The following CCM2 variants were observed in gnomAD, a reference collection of about 807,000 sequenced individuals.
The protein encoded by CCM2 is CCM2 scaffold protein, also known as cerebral cavernous malformations 2 protein.
CCM2 carries 25 observed loss-of-function variants against 44.9 expected under a neutral mutation model. The observed-to-expected ratio is 0.56, with a 90% CI of 0.41 to 0.78. CCM2 has a LOEUF of 0.78. Among genes scored for constraint, CCM2 ranks in the 30% least tolerant of loss-of-function variants. The pLI is 0.00. For missense variants in CCM2, 481 were observed against 580.6 expected, an observed-to-expected ratio of 0.83 and a Z score of 1.76; for synonymous variants, 219 against 241.1, an observed-to-expected ratio of 0.91 and a Z score of 0.85.
At chr7:45,047,957 TGA>T (rs1638761350) in intron 2 of CCM2, among the ~76,000 whole-genome samples, 1 of 152,168 alleles carries the variant, frequency 6.6e-6, no homozygotes, top group Non-Finnish European at 1.5e-5. Context: ...GGCATGTCAG[TGA>T]GAGAATGTAG....
chr7:45,004,886 C>G (rs987009776), intron 1 of CCM2, among the ~76,000 whole-genome samples: 2 of 151,546 alleles, frequency 1.3e-5, no homozygotes. Context: ...ATCCTAGCTA[C>G]TTGTGAGGCT....
intron 1 of CCM2, among the ~76,000 whole-genome samples, chr7:45,016,891 C>T (rs1374034000): frequency 6.6e-6 from 1 of 152,196 alleles, no homozygotes; most frequent in Non-Finnish European, 1.5e-5. Flanking sequence ...TCTCGGCCTT[C>T]CAAAGTGCTA....
At chr7:45,062,143 A>G (rs535565987) in intron 2 of CCM2, among the ~76,000 whole-genome samples, 1 of 152,308 alleles carries the variant, frequency 6.6e-6, no homozygotes, top group Non-Finnish European at 1.5e-5. Flanking sequence ...TAAGTTTGCC[A>G]GCTTTCTTGT....
intron 1 of CCM2, among the ~76,000 whole-genome samples, chr7:45,011,219 G>A (rs1413035702): frequency 6.7e-6 from 1 of 149,862 alleles, no homozygotes; most frequent in East Asian, 1.9e-4. Context: ...TTTTTGAGAC[G>A]GAGTCTCACT....
At chr7:45,031,974 A>G (rs989753471) in intron 1 of CCM2, among the ~76,000 whole-genome samples, 15 of 152,074 alleles carry the variant, frequency 9.9e-5, no homozygotes, top group Admixed American at 2.0e-4. Flanking sequence ...CTTCCCCAGC[A>G]CCGGCTGTCC....
intron 2 of CCM2, among the ~76,000 whole-genome samples, chr7:45,054,466 G>A (rs1357211787): frequency 6.7e-6 from 1 of 150,184 alleles, no homozygotes; most frequent in African/African-American, 2.5e-5. Flanking sequence ...GTTATGGGGA[G>A]ACTGATTTAG....
upstream of CCM2, chr7:44,999,966 C>T (rs986778200): frequency 1.1e-5 from 3 of 268,070 alleles, no homozygotes; most frequent in South Asian, 2.8e-5. Context: ...CGTTCTCGGC[C>T]GTCCTGAAGG....
intron 1 of CCM2, among the ~76,000 whole-genome samples, chr7:45,025,000 T>A (rs1198053673): frequency 1.3e-5 from 2 of 152,232 alleles, no homozygotes; most frequent in African/African-American, 4.8e-5. Context: ...TTAGACTCGA[T>A]GGACCCAGCT....
At chr7:45,019,215 G>A (rs1796386117) in intron 1 of CCM2, among the ~76,000 whole-genome samples, 1 of 152,032 alleles carries the variant, frequency 6.6e-6, no homozygotes, top group Admixed American at 6.6e-5. Context: ...GGGACTACAG[G>A]CATGCACCAC....
chr7:45,033,568 T>A lies in CCM2; in HGVS notation c.31-4685T>A, dbSNP rs561199647. On this transcript the variant is annotated intron_variant, in intron 1 of 9. Transcript: ENST00000258781. ...AGTCACTGTCCATGACACAGCTAGT[T>A]ATCATTTAGGAGGAATGAGCTTTGG... Among the ~76,000 whole-genome samples the A allele has an allele frequency of 6.6e-5, 10 of 152,304 alleles. No individual in the cohort carries two copies. In the East Asian group the frequency reaches 1.9e-3, roughly 29 times the overall value.
At chr7:45,058,412 G>A (rs1798364420) in intron 2 of CCM2, among the ~76,000 whole-genome samples, 1 of 151,762 alleles carries the variant, frequency 6.6e-6, no homozygotes, top group Non-Finnish European at 1.5e-5. Flanking sequence ...TTGGTGTGCT[G>A]CACCCATTAA....
At chr7:45,001,204 C>A (rs1411684847) in intron 1 of CCM2, among the ~76,000 whole-genome samples, 1 of 152,128 alleles carries the variant, frequency 6.6e-6, no homozygotes, top group African/African-American at 2.4e-5. Flanking sequence ...AGCTACTCAC[C>A]ACCTTGTTTG....
chr7:45,028,119 A>G (rs1211407690), intron 1 of CCM2, among the ~76,000 whole-genome samples: 1 of 152,226 alleles, frequency 6.6e-6, no homozygotes, highest in Non-Finnish European at 1.5e-5. Flanking sequence ...TAATTTTCCT[A>G]TGGATTTGTG....
At position 45,076,329 on chromosome 7, in the gene CCM2, G is replaced by A. The variant is rs773810762; in HGVS notation, c.*272G>A. The A allele has an allele frequency of 1.4e-5, 9 of 636,478 alleles. No individual in the cohort carries two copies. The highest frequency in any genetic ancestry group is 3.2e-5 in the East Asian group (1 of 31,682). The allele number at this position is 636,478 out of a possible 1,614,324, so 39.4% of individuals were successfully genotyped here. ...GTCCCCGCTCGGGGAGGGCCCGGCC[G>A]AGCGGGCAGGGAGAGCCAGTCCTGT... On this transcript the variant is annotated 3_prime_UTR_variant, in exon 10 of 10. Coordinates refer to ENST00000258781, the MANE Select transcript of CCM2 (RefSeq NM_031443.4).
chr7:45,063,291 C>G (rs529493861), intron 2 of CCM2: 2 of 153,530 alleles, frequency 1.3e-5, no homozygotes, highest in African/African-American at 4.8e-5. Context: ...AGGCTGGTTT[C>G]GAACTCCCAA....
At chr7:45,054,533 T>C (rs952578213) in intron 2 of CCM2, among the ~76,000 whole-genome samples, 1 of 151,764 alleles carries the variant, frequency 6.6e-6, no homozygotes, top group Non-Finnish European at 1.5e-5. Flanking sequence ...TTTAGAAGAA[T>C]TTTCTGTTTA....
In CCM2 at chr7:45,064,008, C is replaced by T; in HGVS notation, c.288+7C>T. 4.4e-6 allele frequency: 7 copies of T among 1,599,490 alleles called. No homozygotes were observed. The highest frequency in any genetic ancestry group is 6.0e-6 in the Non-Finnish European group (7 of 1,166,774). ...TTTCATAGACAATGCAAAGGTAACC[C>T]TATCCTCTTAACCCTGTGCACTAGC... On this transcript the variant is annotated splice_region_variant and intron_variant, in intron 3 of 9. Coordinates refer to ENST00000258781, the MANE Select transcript of CCM2 (RefSeq NM_031443.4).
rs1342919039 is a variant in CCM2, at chr7:45,009,338, A to C, written c.30+8975A>C. The stretch of plus-strand genomic sequence containing the variant: ...AAAAAAAAAATTTTTGAGTACACCA[A>C]AGTTGAAAGAATTTTGCAGTGAATA... On this transcript the variant is annotated intron_variant, in intron 1 of 9. Coordinates refer to ENST00000258781, the MANE Select transcript of CCM2 (RefSeq NM_031443.4). Among the ~76,000 whole-genome samples the C allele has an allele frequency of 6.6e-5, 10 of 150,686 alleles. No homozygotes were observed. The East Asian group carries it at 1.9e-3, about 29-fold the overall frequency.
At chr7:45,068,683 G>A (rs1373873545) in intron 5 of CCM2, 104 bp downstream of exon 5, 5 of 1,459,710 alleles carry the variant, frequency 3.4e-6, no homozygotes, top group Non-Finnish European at 4.7e-6. Flanking sequence ...GCACTGCTGG[G>A]TGCCCCAGCT....
Sources: allele counts gnomAD v4.1 joint callset (sites outside exome capture counted in the v4.1 genomes callset), GRCh38; gene constraint gnomAD v4.1.1; transcripts MANE v1.5; gene names NCBI Gene and HGNC (gene_info 2026-07-23, HGNC 2026-07-21).